L1TD1: variants seen among roughly 807,000 people sequenced by gnomAD.
L1TD1 encodes the protein LINE1 type transposase domain containing 1.
Under a neutral mutation model 25.7 loss-of-function variants are expected in L1TD1, and 26 were observed. That is an observed-to-expected ratio of 1.01 (90% CI 0.74 to 1.40). The LOEUF is 1.40. Among genes scored for constraint, L1TD1 ranks in the 40% most tolerant of loss-of-function variants. L1TD1 has a pLI of 0.00. For missense variants in L1TD1, 1,130 were observed against 975.0 expected (o/e 1.16, Z -2.12); for synonymous variants, 421 against 335.6 (o/e 1.25, Z -2.78).
chr1:62,197,616 C>T (rs919217590), intron 2 of L1TD1, among the ~76,000 whole-genome samples: 1 of 151,934 alleles, frequency 6.6e-6, no homozygotes, highest in Non-Finnish European at 1.5e-5. Context: ...GCTTGAGCCA[C>T]CGCACCCAGC....
chr1:62,200,490 ATATTT>A (rs1158441081), intron 2 of L1TD1, among the ~76,000 whole-genome samples: 1 of 151,638 alleles, frequency 6.6e-6, no homozygotes, highest in African/African-American at 2.4e-5. Flanking sequence ...ATTATAATGT[ATATTT>A]TATAAATTAA....
chr1:62,201,932 G>C (rs991621087), intron 2 of L1TD1, among the ~76,000 whole-genome samples: 1 of 152,100 alleles, frequency 6.6e-6, no homozygotes, highest in Non-Finnish European at 1.5e-5. Flanking sequence ...CTGTCCGGTG[G>C]ACTATTTGGT....
At chr1:62,195,966 G>T (rs1670528837) in intron 1 of L1TD1, among the ~76,000 whole-genome samples, 1 of 152,162 alleles carries the variant, frequency 6.6e-6, no homozygotes, top group Admixed American at 6.5e-5. Context: ...GAACCGGGGA[G>T]GCGGAGGTTG....
intron 3 of L1TD1, among the ~76,000 whole-genome samples, 197 bp downstream of exon 3, chr1:62,207,833 C>T (rs1405847657): frequency 2.6e-5 from 4 of 152,162 alleles, no homozygotes; most frequent in Non-Finnish European, 5.9e-5. Flanking sequence ...CTGCCTTGGC[C>T]TCCCAAGTAG....
rs1249639686 is a variant in L1TD1, at chr1:62,207,770, T to G, written c.1008+134T>G. On this transcript the variant is annotated intron_variant, in intron 3 of 3. Transcript: ENST00000498273. ...TCTTGTCGGCCAGGTGGGAGTGCAG[T>G]GGCACGATCTCGGCTCGCTACAACC... The G allele has an allele frequency of 5.4e-6, 6 of 1,117,968 alleles. No individual in the cohort carries two copies. In the Admixed American group the frequency reaches 9.2e-5, roughly 17 times the overall value. The allele number at this position is 1,117,968 out of a possible 1,614,324, so 69.3% of individuals were successfully genotyped here.
Position 62,196,490 on chromosome 1 carries a change from C to G in L1TD1, c.-149C>G, listed in dbSNP as rs924039365. On this transcript the variant is annotated 5_prime_UTR_variant, in exon 2 of 4. Coordinates refer to ENST00000498273, the MANE Select transcript of L1TD1 (RefSeq NM_019079.5). Reference sequence around the variant, plus strand: ...GTCCTGCTCTGCGGAGTTCGTCTTCCCAGCGAAGGTACAGAGGCGGATGAA... The same window carrying G: ...GTCCTGCTCTGCGGAGTTCGTCTTCGCAGCGAAGGTACAGAGGCGGATGAA... 6.6e-6 allele frequency: 1 copy of G among 152,132 alleles called. No homozygotes were observed. Among genetic ancestry groups the G allele is most frequent in the South Asian group, 2.1e-4 (1 of 4,830 alleles). The allele number at this position is 152,132 out of a possible 1,614,324, so 9.4% of individuals were successfully genotyped here. A position where few individuals can be genotyped will look rare whatever the true frequency, so the allele number is the denominator to read the frequency against.
At position 62,210,869 on chromosome 1, in the gene L1TD1, A is replaced by C; in HGVS notation, c.2095A>C (p.Ser699Arg). The change falls in exon 4 of 4, where the codon AGT becomes CGT. Residue 699 changes from serine (S) to arginine (R), a missense_variant. Physicochemically the swap from Ser to Arg is moderately radical, Grantham distance 110. Transcript: ENST00000498273. The part of the protein sequence containing the change: ...RQRDIEERSR[S>R]CNIRLIGIPE... The stretch of plus-strand genomic sequence containing the variant: ...AAGAGATATAGAGGAGAGATCTAGA[A>C]GTTGCAACATTCGTTTGATAGGAAT... 1 of 1,551,468 alleles carries C rather than the reference A, an allele frequency of 6.4e-7. No individual in the cohort carries two copies. Among genetic ancestry groups the C allele is most frequent in the Non-Finnish European group, 8.7e-7 (1 of 1,146,936 alleles).
In L1TD1 at chr1:62,211,432, CAAGT is replaced by C. The variant is rs756349523; in HGVS notation, c.*63_*66del. ...CCCCCAGCATGCATCCAAAAATCAA[CAAGT>C]AAAACGAAAATACACTTCTACCCAG... On this transcript the variant is annotated 3_prime_UTR_variant, in exon 4 of 4. Coordinates refer to ENST00000498273, the MANE Select transcript of L1TD1 (RefSeq NM_019079.5). 588 of 1,519,698 alleles carry C rather than the reference CAAGT, an allele frequency of 3.9e-4. 6 individuals carry two copies. In the South Asian group the frequency reaches 5.1e-3, roughly 13 times the overall value. The allele number at this position is 1,519,698 out of a possible 1,614,324, so 94.1% of individuals were successfully genotyped here.
chr1:62,210,999 G>A lies in L1TD1; in HGVS notation c.2225G>A (p.Ser742Asn). ...AAAGGTTCAAGTCTTGAGATTGTCA[G>A]TGCTTGTCGAGTACCTAGTAAAATT... ...LKKGSSLEIV[S>N]ACRVPSKIDE... is the part of the protein sequence containing the mutation. The change falls in exon 4 of 4, where the codon AGT becomes AAT. Residue 742 changes from serine (S) to asparagine (N), a missense_variant. Transcript: ENST00000498273. 6.5e-7 allele frequency: 1 copy of A among 1,545,764 alleles called. No homozygotes were observed. Among genetic ancestry groups the A allele is most frequent in the Non-Finnish European group, 8.7e-7 (1 of 1,145,632 alleles).
rs1670823918 is a variant in L1TD1 at position 62,209,894 on chromosome 1, T to G, written c.1120T>G (p.Leu374Val). The G allele has an allele frequency of 6.2e-7, 1 of 1,613,936 alleles. No homozygotes were observed. The highest frequency in any genetic ancestry group is 8.5e-7 in the Non-Finnish European group (1 of 1,179,996). ...TGCTAAGCCAGAGGAGATGAAAAAC[T>G]TAGAGACTCAAGAGGAAGAGTTTTC... ...KVAKPEEMKN[L>V]ETQEEEFSEL... The change falls in exon 4 of 4, where the codon TTA (leucine) becomes GTA (valine). Residue 374 changes from leucine (L) to valine (V), a missense_variant. By Grantham distance (32) the Leu-to-Val change is conservative (BLOSUM62 1). Transcript: ENST00000498273.
chr1:62,196,881 T>A (rs1348516839), intron 2 of L1TD1, among the ~76,000 whole-genome samples: 1 of 151,784 alleles, frequency 6.6e-6, no homozygotes, highest in East Asian at 1.9e-4. Flanking sequence ...CGTGAGTCAC[T>A]GCGCCTGGAC....
chr1:62,199,942 G>A (rs1670610346), intron 2 of L1TD1, among the ~76,000 whole-genome samples: 1 of 152,042 alleles, frequency 6.6e-6, no homozygotes, highest in Non-Finnish European at 1.5e-5. Flanking sequence ...TAATCTTTTT[G>A]TGTTTACTGT....
rs778303573 is a variant in L1TD1, at chr1:62,209,977, A to G, written c.1203A>G (p.Ser401=). The change falls in exon 4 of 4, where the codon TCA becomes TCG. Residue 401 remains serine, a synonymous_variant. Transcript: ENST00000498273. ...ASGMEDDEDT[S]GLEEEEEEPS... ...GGATGGAGGATGATGAAGATACCTC[A>G]GGGCTGGAGGAGGAGGAGGAAGAGC... is the stretch of plus-strand genomic sequence containing the variant. The G allele has an allele frequency of 8.2e-6, 12 of 1,464,686 alleles. No homozygotes were observed. Among genetic ancestry groups the G allele is most frequent in the Middle Eastern group, 3.7e-4 (2 of 5,460 alleles). The allele number at this position is 1,464,686 out of a possible 1,614,324, so 90.7% of individuals were successfully genotyped here. A position where few individuals can be genotyped will look rare whatever the true frequency, so the allele number is the denominator to read the frequency against.
chr1:62,202,541 CT>C (rs1670660110), intron 2 of L1TD1, among the ~76,000 whole-genome samples: 7 of 89,232 alleles, frequency 7.8e-5, no homozygotes, highest in African/African-American at 3.4e-4. Context: ...TTTTCTTTTT[CT>C]TTTCTTTTTT....
chr1:62,195,882 A>G (rs1464049162), intron 1 of L1TD1, among the ~76,000 whole-genome samples: 1 of 151,726 alleles, frequency 6.6e-6, no homozygotes, highest in Admixed American at 6.6e-5. Flanking sequence ...TACCAAAAAT[A>G]CAAAATTAGC....
intron 2 of L1TD1, among the ~76,000 whole-genome samples, chr1:62,198,653 C>T (rs905709948): frequency 3.9e-5 from 6 of 152,158 alleles, no homozygotes; most frequent in Non-Finnish European, 8.8e-5. Context: ...AATCAACAAG[C>T]TTTTTTCCAT....
chr1:62,197,521 A>G (rs1286305726), intron 2 of L1TD1, among the ~76,000 whole-genome samples: 1 of 151,262 alleles, frequency 6.6e-6, no homozygotes, highest in African/African-American at 2.4e-5. Flanking sequence ...AGTTTTTTAG[A>G]GATGGTTTTG....
Position 62,211,367 on chromosome 1 carries a change from C to G in L1TD1, c.2593C>G (p.Pro865Ala). ...GAGAGAATTACTGGGGAATAATATA[C>G]CTTAGCACGCCAGGGTGACTACAAA... ...TLRELLGNNI[P>A] The change falls in exon 4 of 4, where the codon CCT becomes GCT. Residue 865 changes from proline (P) to alanine (A), a missense_variant. Coordinates refer to ENST00000498273, the MANE Select transcript of L1TD1 (RefSeq NM_019079.5). The G allele has an allele frequency of 6.3e-7, 1 of 1,591,674 alleles. No individual in the cohort carries two copies. Among genetic ancestry groups the G allele is most frequent in the African/African-American group, 1.3e-5 (1 of 74,136 alleles).
At chr1:62,202,822 T>C (rs1372148984) in intron 2 of L1TD1, among the ~76,000 whole-genome samples, 1 of 151,774 alleles carries the variant, frequency 6.6e-6, no homozygotes, top group East Asian at 1.9e-4. Context: ...CAGCTGGGAT[T>C]ACAGGAACCC....
Sources: gnomAD v4.1 joint callset for allele counts (sites outside exome capture counted in the v4.1 genomes callset) on GRCh38, gnomAD v4.1.1 for gene constraint, MANE v1.5 for transcripts, NCBI Gene and HGNC (gene_info 2026-07-23, HGNC 2026-07-21) for gene names.